The following EYA3 variants were observed in gnomAD, a reference collection of about 807,000 sequenced individuals.
EYA3 encodes the protein protein phosphatase EYA3.
EYA3 carries 39 observed loss-of-function variants against 80.0 expected under a neutral mutation model. That is an observed-to-expected ratio of 0.49 (90% CI 0.38 to 0.64). The LOEUF (loss-of-function observed/expected upper bound fraction) is 0.64. Ranked by LOEUF, EYA3 falls within the 30% of genes least tolerant of loss-of-function variation. The pLI, the probability that EYA3 is intolerant of heterozygous loss-of-function variation, is 0.00. For missense variants in EYA3, 523 were observed against 676.1 expected (o/e 0.77, Z 2.51); for synonymous variants, 206 against 232.8 (o/e 0.88, Z 1.05).
chr1:28,038,439 TAAAAAAA>T (rs74525723), intron 5 of EYA3, among the ~76,000 whole-genome samples: 8 of 68,500 alleles, frequency 1.2e-4, no homozygotes, highest in African/African-American at 2.8e-4. Context: ...GATTCTATCT[TAAAAAAA>T]AAAAAAAAAA....
Position 27,990,031 on chromosome 1 carries a change from G to A in EYA3, c.1304-220C>T, listed in dbSNP as rs1245261965. 5.8e-5 allele frequency: 13 copies of A among 225,818 alleles called. No individual in the cohort carries two copies. The Admixed American group carries it at 7.3e-4, about 13-fold the overall frequency. 14.0% of individuals were successfully genotyped at this position (225,818 alleles called of 1,614,324 possible). A position where few individuals can be genotyped will look rare whatever the true frequency, so the allele number is the denominator to read the frequency against. ...GGTGAATATAAACTGCTGTATATAG[G>A]GGTGGGGTCAAAAGGGCAGGACCAA... On this transcript the variant is annotated intron_variant, in intron 14 of 17. Transcript: ENST00000373871.
intron 1 of EYA3, among the ~76,000 whole-genome samples, chr1:28,085,529 CAAACA>C (rs902714189): frequency 5.9e-5 from 9 of 152,050 alleles, no homozygotes; most frequent in Non-Finnish European, 8.8e-5. Flanking sequence ...AAAAAACAAA[CAAACA>C]AAACAAGTAA....
intron 10 of EYA3, 30 bp downstream of exon 10, chr1:28,010,917 G>A (rs1451138858): frequency 1.2e-6 from 2 of 1,601,930 alleles, no homozygotes. Flanking sequence ...AAAGAACAAA[G>A]TAGGTAACTA....
At chr1:27,982,364 T>G (rs180699981) in intron 16 of EYA3, among the ~76,000 whole-genome samples, 64 of 151,690 alleles carry the variant, frequency 4.2e-4, no homozygotes, top group African/African-American at 1.4e-3. Flanking sequence ...CAGGCTGATC[T>G]CAAACTCCTG....
At chr1:28,055,883 T>C (rs568001712) in intron 2 of EYA3, among the ~76,000 whole-genome samples, 2 of 152,232 alleles carry the variant, frequency 1.3e-5, no homozygotes, top group Admixed American at 1.3e-4. Context: ...ACTTCAATAA[T>C]AACGACCATC....
At chr1:28,020,892 G>C (rs1481952579) in intron 7 of EYA3, among the ~76,000 whole-genome samples, 1 of 152,064 alleles carries the variant, frequency 6.6e-6, no homozygotes, top group East Asian at 1.9e-4. Flanking sequence ...TTTTTGGACA[G>C]CCTTCACTCC....
intron 7 of EYA3, among the ~76,000 whole-genome samples, chr1:28,023,780 C>T (rs1578213): frequency 0.068 from 10,339 of 152,112 alleles, 620 homozygotes; most frequent in East Asian, 0.25. Context: ...GAATAAACAA[C>T]GGACTTAGTT....
intron 1 of EYA3, among the ~76,000 whole-genome samples, chr1:28,064,590 T>C (rs981278713): frequency 6.6e-6 from 1 of 152,090 alleles, no homozygotes; most frequent in Non-Finnish European, 1.5e-5. Flanking sequence ...CCAATAATAG[T>C]GGGAAAGATA....
chr1:27,994,049 T>C (rs76352668), intron 13 of EYA3, among the ~76,000 whole-genome samples: 3,734 of 152,356 alleles, frequency 0.025, 70 homozygotes, highest in Middle Eastern at 0.051. Context: ...TAGGTCACTG[T>C]GGTAGCTTCA....
chr1:28,046,857 T>TA (rs397733980), intron 3 of EYA3, among the ~76,000 whole-genome samples: 5 of 151,320 alleles, frequency 3.3e-5, no homozygotes, highest in Admixed American at 2.0e-4. Context: ...TTTTTTTTTT[T>TA]AAATGAGACA....
chr1:28,049,898 A>G (rs1008432013), intron 2 of EYA3, among the ~76,000 whole-genome samples: 3 of 152,162 alleles, frequency 2.0e-5, no homozygotes, highest in African/African-American at 7.2e-5. Context: ...ATAATAATAT[A>G]TTCTTCCAAT....
chr1:28,040,059 G>A (rs1340492988), intron 4 of EYA3, among the ~76,000 whole-genome samples: 1 of 152,112 alleles, frequency 6.6e-6, no homozygotes, highest in East Asian at 1.9e-4. Flanking sequence ...CACTTCTCTA[G>A]AGAATGAATG....
chr1:28,004,274 A>G, intron 11 of EYA3, 62 bp downstream of exon 11: 1 of 1,158,094 alleles, frequency 8.6e-7, no homozygotes, highest in Non-Finnish European at 1.3e-6. Flanking sequence ...GTTATGTGTC[A>G]GAAGAGGGAC....
At chr1:28,087,569 A>G (rs535339079) in intron 1 of EYA3, among the ~76,000 whole-genome samples, 1 of 152,366 alleles carries the variant, frequency 6.6e-6, no homozygotes, top group African/African-American at 2.4e-5. Flanking sequence ...CAATAAATTC[A>G]TAAATCTGGG....
Position 28,004,323 on chromosome 1 carries a change from A to C in EYA3, c.993+13T>G, listed in dbSNP as rs1323181168. ...AGAAGAGGGACAGTTACAACAAAGA[A>C]GACTCAAATTACCTTTCCATATTTC... On this transcript the variant is annotated intron_variant, in intron 11 of 17. Coordinates refer to ENST00000373871, the MANE Select transcript of EYA3 (RefSeq NM_001990.4). 4 of 1,578,302 alleles carry C rather than the reference A, an allele frequency of 2.5e-6. No individual in the cohort carries two copies. Among genetic ancestry groups the C allele is most frequent in the Non-Finnish European group, 1.7e-6 (2 of 1,150,874 alleles).
intron 10 of EYA3, among the ~76,000 whole-genome samples, chr1:28,007,185 A>G (rs1171687860): frequency 6.6e-6 from 1 of 151,902 alleles, no homozygotes; most frequent in Non-Finnish European, 1.5e-5. Context: ...TCCTGACCTC[A>G]GGTGATCTGC....
chr1:28,043,711 G>A (rs1464142517), intron 3 of EYA3, among the ~76,000 whole-genome samples: 2 of 152,032 alleles, frequency 1.3e-5, no homozygotes, highest in African/African-American at 4.8e-5. Context: ...TGTGGTGCAC[G>A]CCTGTAGTCC....
At chr1:28,073,118 TATA>T (rs1645078191) in intron 1 of EYA3, among the ~76,000 whole-genome samples, 1 of 49,742 alleles carries the variant, frequency 2.0e-5, no homozygotes, top group Non-Finnish European at 3.9e-5. Context: ...TATATATATA[TATA>T]TATATATTTT....
intron 1 of EYA3, among the ~76,000 whole-genome samples, chr1:28,075,705 C>T (rs1645176130): frequency 6.6e-6 from 1 of 152,170 alleles, no homozygotes; most frequent in African/African-American, 2.4e-5. Context: ...AGATTGCTGC[C>T]ATTGATAAAT....
Sources: gnomAD v4.1 joint callset for allele counts (sites outside exome capture counted in the v4.1 genomes callset) on GRCh38, gnomAD v4.1.1 for gene constraint, MANE v1.5 for transcripts, NCBI Gene and HGNC (gene_info 2026-07-23, HGNC 2026-07-21) for gene names.